The following AJAP1 variants were observed in gnomAD, a reference collection of about 807,000 sequenced individuals.
The protein encoded by AJAP1 is adherens junction-associated protein 1.
In AJAP1, 5 loss-of-function variants were observed where a neutral mutation model predicts 35.0. The observed-to-expected ratio is 0.14, with a 90% confidence interval of 0.07 to 0.30. AJAP1 has a LOEUF of 0.30. Ranked by LOEUF, AJAP1 falls within the 10% of genes least tolerant of loss-of-function variation. AJAP1 has a pLI of 1.00. For synonymous variants in AJAP1, 284 were observed against 249.3 expected (o/e 1.14, Z -1.31); for missense variants, 586 against 571.0 (o/e 1.03, Z -0.27).
chr1:4,660,335 G>C (rs538851186), intron 1 of AJAP1, among the ~76,000 whole-genome samples: 1 of 152,208 alleles, frequency 6.6e-6, no homozygotes, highest in Non-Finnish European at 1.5e-5. Context: ...GGGAACGGAA[G>C]GAAAGAGGGT....
intron 2 of AJAP1, among the ~76,000 whole-genome samples, chr1:4,766,190 G>C (rs1419202018): frequency 2.6e-5 from 4 of 151,190 alleles, no homozygotes; most frequent in Non-Finnish European, 5.9e-5. Flanking sequence ...AGCCCCATTT[G>C]CTTCTTTGCC....
At chr1:4,677,563 GA>G (rs1639389182) in intron 1 of AJAP1, among the ~76,000 whole-genome samples, 1 of 151,452 alleles carries the variant, frequency 6.6e-6, no homozygotes, top group African/African-American at 2.4e-5. Context: ...AGATGACAGA[GA>G]AGGGATTAAG....
rs1344238809 is a variant in AJAP1, at chr1:4,790,700, TA to T, written c.*8218del. 2.0e-5 allele frequency: 3 copies of T among 152,208 alleles called. No individual in the cohort carries two copies. The highest frequency in any genetic ancestry group is 7.2e-5 in the African/African-American group (3 of 41,460). The allele number at this position is 152,208 out of a possible 1,614,324, so 9.4% of individuals were successfully genotyped here. On this transcript the variant is annotated 3_prime_UTR_variant, in exon 6 of 6. Transcript: ENST00000378191. The stretch of plus-strand genomic sequence containing the variant: ...GTCAACTGATGATAACTGTGATCCT[TA>T]AAGATGAATTCCCAGCCTGAGGTGA...
At position 4,666,894 on chromosome 1, in the gene AJAP1, A is replaced by T. The variant is rs557423237; in HGVS notation, c.29+11440A>T. Among the ~76,000 whole-genome samples, 37 of 145,204 alleles carry T rather than the reference A, an allele frequency of 2.5e-4. 1 individual carries two copies. Among genetic ancestry groups the T allele is most frequent in the African/African-American group, 8.6e-4 (33 of 38,278 alleles). ...CAGAGAGGGGCCCATGAATCACGGG[A>T]GGGTTATGGAGAGGGACCCGTGAAT... On this transcript the variant is annotated intron_variant, in intron 1 of 5. Transcript: ENST00000378191.
chr1:4,753,863 C>T (rs117177956), intron 2 of AJAP1, among the ~76,000 whole-genome samples: 2,561 of 152,334 alleles, frequency 0.017, 67 homozygotes, highest in South Asian at 0.13. Context: ...TGAGCCACTA[C>T]GCCTGGCCTA....
chr1:4,775,897 A>G (rs577760945), intron 5 of AJAP1, among the ~76,000 whole-genome samples: 1 of 152,276 alleles, frequency 6.6e-6, no homozygotes, highest in Non-Finnish European at 1.5e-5. Flanking sequence ...GGGAGCCCCT[A>G]CTGGAGTGCC....
At chr1:4,677,718 G>T (rs1382021109) in intron 1 of AJAP1, among the ~76,000 whole-genome samples, 1 of 148,720 alleles carries the variant, frequency 6.7e-6, no homozygotes, top group African/African-American at 2.5e-5. Flanking sequence ...TCCAGGTAAT[G>T]CTCCGAATGA....
chr1:4,717,502 C>G (rs1424875536), intron 2 of AJAP1, among the ~76,000 whole-genome samples: 2 of 152,180 alleles, frequency 1.3e-5, no homozygotes, highest in African/African-American at 4.8e-5. Flanking sequence ...TCCAGCAGCT[C>G]AAGGATGAGA....
intron 1 of AJAP1, among the ~76,000 whole-genome samples, chr1:4,666,279 A>T (rs1639116292): frequency 1.3e-5 from 2 of 152,114 alleles, no homozygotes; most frequent in Non-Finnish European, 2.9e-5. Context: ...GGGCAGGTGT[A>T]TTTGGGTCAG....
chr1:4,767,736 TCAGCAG>T (rs889400480), intron 2 of AJAP1, among the ~76,000 whole-genome samples: 4 of 152,112 alleles, frequency 2.6e-5, no homozygotes, highest in African/African-American at 9.7e-5. Flanking sequence ...ACCATCACCA[TCAGCAG>T]CAGCAGCAGC....
chr1:4,697,172 G>C (rs7549821), intron 1 of AJAP1, among the ~76,000 whole-genome samples: 2,405 of 152,260 alleles, frequency 0.016, 63 homozygotes, highest in African/African-American at 0.054. Flanking sequence ...GACTGTATTA[G>C]TTTGTATGTG....
At chr1:4,763,131 A>G (rs12123353) in intron 2 of AJAP1, among the ~76,000 whole-genome samples, 66,853 of 152,040 alleles carry the variant, frequency 0.44, 15,696 homozygotes, top group African/African-American at 0.58. Flanking sequence ...CTTGTGCCTC[A>G]GAGGCCTCTG....
chr1:4,655,411 C>T lies in AJAP1; in HGVS notation c.-15C>T. On this transcript the variant is annotated 5_prime_UTR_variant, in exon 1 of 6. Transcript: ENST00000378191. The surrounding 1 kb of genome is among the most constrained non-coding windows in gnomAD (Gnocchi z 6.9). Reference sequence around the variant, plus strand: ...GGCGAGCCAGGTCTGAGGCCCCGCTCCCCGAAACGTGACCATGTGGATTCA... The same window carrying T: ...GGCGAGCCAGGTCTGAGGCCCCGCTTCCCGAAACGTGACCATGTGGATTCA... 6.4e-7 allele frequency: 1 copy of T among 1,561,920 alleles called. No individual in the cohort carries two copies. Among genetic ancestry groups the T allele is most frequent in the Non-Finnish European group, 8.7e-7 (1 of 1,154,406 alleles).
intron 2 of AJAP1, among the ~76,000 whole-genome samples, chr1:4,768,107 C>T (rs1266018385): frequency 6.6e-6 from 1 of 152,226 alleles, no homozygotes; most frequent in Non-Finnish European, 1.5e-5. Context: ...CAGCAGGTGC[C>T]ACAGATGGGG....
At chr1:4,661,547 G>A (rs563272260) in intron 1 of AJAP1, among the ~76,000 whole-genome samples, 6 of 152,340 alleles carry the variant, frequency 3.9e-5, no homozygotes, top group East Asian at 1.9e-4. Context: ...AGGTCCATTC[G>A]TGCTCCTTAT....
intron 5 of AJAP1, among the ~76,000 whole-genome samples, chr1:4,776,856 T>C (rs535866212): frequency 2.0e-5 from 3 of 152,256 alleles, no homozygotes; most frequent in Admixed American, 2.0e-4. Context: ...TCCCTGTGGC[T>C]CTCAGGTAGG....
intron 3 of AJAP1, among the ~76,000 whole-genome samples, 168 bp downstream of exon 3, chr1:4,770,108 C>T (rs992891401): frequency 1.6e-4 from 24 of 152,192 alleles, no homozygotes; most frequent in African/African-American, 5.3e-4. Context: ...CCCTTTGGCC[C>T]GGCCCCTCTC....
rs1356773997 is a variant in AJAP1, at chr1:4,792,317, AC to A, written c.*9833del. The A allele has an allele frequency of 1.6e-5, 2 of 125,562 alleles. No individual in the cohort carries two copies. 7.8% of individuals were successfully genotyped at this position (125,562 alleles called of 1,614,324 possible). On this transcript the variant is annotated 3_prime_UTR_variant, in exon 6 of 6. Transcript: ENST00000378191. The stretch of plus-strand genomic sequence containing the variant: ...ATAATCATGTTAATAAACAAAAATG[AC>A]ACAATATATGTGGGTGGGGGGCGGG...
chr1:4,748,162 C>G (rs769510747), intron 2 of AJAP1, among the ~76,000 whole-genome samples: 2 of 152,128 alleles, frequency 1.3e-5, no homozygotes, highest in Non-Finnish European at 2.9e-5. Context: ...CTCATCCTCG[C>G]CCCTGCATCC....
Sources: allele counts gnomAD v4.1 joint callset (sites outside exome capture counted in the v4.1 genomes callset), GRCh38; gene constraint gnomAD v4.1.1; non-coding constraint Gnocchi (gnomAD v3.1); transcripts MANE v1.5; gene names NCBI Gene and HGNC (gene_info 2026-07-23, HGNC 2026-07-21).